The following BIRC6 variants were observed in gnomAD, a reference collection of about 807,000 sequenced individuals.
BIRC6 encodes the protein dual E2 ubiquitin-conjugating enzyme/E3 ubiquitin-protein ligase BIRC6.
In BIRC6, 98 loss-of-function variants were observed where a neutral mutation model predicts 503.3. That is an observed-to-expected ratio of 0.19 (90% CI 0.17 to 0.23). The LOEUF (loss-of-function observed/expected upper bound fraction) is 0.23. Among genes scored for constraint, BIRC6 ranks in the 10% least tolerant of loss-of-function variants. The probability of loss-of-function intolerance (pLI) is 1.00; values close to 1 mark genes in which losing one functional copy is unlikely to be tolerated. For missense variants in BIRC6, 5,360 were observed against 5,806.0 expected (o/e 0.92, Z 2.50); for synonymous variants, 2,240 against 2,078.7 (o/e 1.08, Z -2.11).
intron 15 of BIRC6, among the ~76,000 whole-genome samples, 193 bp from the exon 16 acceptor site, chr2:32,439,315 C>T (rs770269945): frequency 2.0e-5 from 3 of 151,984 alleles, no homozygotes; most frequent in Non-Finnish European, 4.4e-5. Flanking sequence ...TCATATCATT[C>T]CTTTGTTGGT....
chr2:32,433,541 G>T, intron 12 of BIRC6, 103 bp from the exon 13 acceptor site: 2 of 1,019,788 alleles, frequency 2.0e-6, no homozygotes, highest in Non-Finnish European at 1.4e-6. Context: ...GATTTTGTTG[G>T]AAGCTGCAAA....
intron 45 of BIRC6, among the ~76,000 whole-genome samples, chr2:32,498,850 A>AT (rs1350209383): frequency 6.6e-6 from 1 of 152,160 alleles, no homozygotes. Flanking sequence ...AGTAGCTGGA[A>AT]TTAACAGTCA....
In BIRC6 at chr2:32,485,655, G is replaced by A. The variant is rs769825855; in HGVS notation, c.7709G>A (p.Arg2570His). The A allele has an allele frequency of 2.5e-6, 4 of 1,611,806 alleles. No individual in the cohort carries two copies. The highest frequency in any genetic ancestry group is 2.5e-6 in the Non-Finnish European group (3 of 1,178,330). The change falls in exon 40 of 74, where the codon CGC becomes CAC. Residue 2570 changes from arginine (R) to histidine (H), a missense_variant. Transcript: ENST00000421745. The part of the protein sequence containing the change: ...SVSVSQALDA[R>H]LEVGLEQQAE... ...TTGCTTTTTGTAGCCCTGGATGCTCGCCTAGAAGTTGGACTTGAACAGCAA... is the reference window on the plus strand; with the variant it reads ...TTGCTTTTTGTAGCCCTGGATGCTCACCTAGAAGTTGGACTTGAACAGCAA...
intron 23 of BIRC6, among the ~76,000 whole-genome samples, chr2:32,456,052 CTGTG>C (rs1286669501): frequency 6.6e-6 from 1 of 152,164 alleles, no homozygotes; most frequent in Non-Finnish European, 1.5e-5. Context: ...TACACATTGT[CTGTG>C]TGATGACCAA....
chr2:32,449,048 C>T (rs2046389161), intron 22 of BIRC6, 120 bp downstream of exon 22: 1 of 867,100 alleles, frequency 1.2e-6, no homozygotes, highest in Non-Finnish European at 1.7e-6. Context: ...TTCCTTAGAA[C>T]TTATCATATG....
Position 32,357,221 on chromosome 2 carries a change from G to C in BIRC6, c.60G>C (p.Val20=). The part of the protein sequence containing the change: ...PGTVTEPLPS[V]IVLSAGRKMA... The stretch of plus-strand genomic sequence containing the variant: ...CTGTCACTGAGCCGCTTCCCAGTGT[G>C]ATTGTGCTGAGCGCAGGCCGGAAGA... The change falls in exon 1 of 74, where the codon GTG becomes GTC. Residue 20 remains valine, a synonymous_variant. Coordinates refer to ENST00000421745, the MANE Select transcript of BIRC6 (RefSeq NM_016252.4). The surrounding 1 kb of genome is among the most constrained non-coding windows in gnomAD (Gnocchi z 4.9). 1 of 1,534,156 alleles carries C rather than the reference G, an allele frequency of 6.5e-7. No homozygotes were observed. The highest frequency in any genetic ancestry group is 8.7e-7 in the Non-Finnish European group (1 of 1,144,734).
intron 2 of BIRC6, 78 bp from the exon 3 acceptor site, chr2:32,380,073 GAA>G: frequency 9.8e-7 from 1 of 1,020,694 alleles, no homozygotes; most frequent in South Asian, 1.9e-5. Flanking sequence ...TAAAATATCT[GAA>G]AGAGGATCTG....
At chr2:32,607,975 CAAAAAA>C (rs35242178) in intron 72 of BIRC6, among the ~76,000 whole-genome samples, 30 of 51,940 alleles carry the variant, frequency 5.8e-4, no homozygotes, top group East Asian at 7.1e-4. Context: ...ACTCCATCTC[CAAAAAA>C]AAAAAAAAAA....
In BIRC6 at chr2:32,595,152, GA is replaced by G; in HGVS notation, c.13612+11del. ...TGAAGAAATTACAGTTTGGTAAGAT[GA>G]AATTTTTGATTTGCTTAAGATCTCA... On this transcript the variant is annotated intron_variant, in intron 68 of 73. Coordinates refer to ENST00000421745, the MANE Select transcript of BIRC6 (RefSeq NM_016252.4). 1 of 1,525,504 alleles carries G rather than the reference GA, an allele frequency of 6.6e-7. No homozygotes were observed. The highest frequency in any genetic ancestry group is 1.2e-5 in the South Asian group (1 of 81,852). The allele number at this position is 1,525,504 out of a possible 1,614,324, so 94.5% of individuals were successfully genotyped here. A position where few individuals can be genotyped will look rare whatever the true frequency, so the allele number is the denominator to read the frequency against.
At chr2:32,478,606 A>G (rs2050035572) in intron 35 of BIRC6, 29 bp from the exon 36 acceptor site, 2 of 1,580,472 alleles carry the variant, frequency 1.3e-6, no homozygotes, top group Non-Finnish European at 1.7e-6. Flanking sequence ...TTGCTATTTA[A>G]GTGTATGATT....
chr2:32,437,060 T>G (rs1236216706), intron 15 of BIRC6, among the ~76,000 whole-genome samples: 1 of 151,854 alleles, frequency 6.6e-6, no homozygotes, highest in Admixed American at 6.6e-5. Context: ...GGCTAATTTT[T>G]TATTGTATTA....
chr2:32,365,200 T>G (rs987898917), intron 1 of BIRC6, among the ~76,000 whole-genome samples: 1 of 152,248 alleles, frequency 6.6e-6, no homozygotes, highest in Non-Finnish European at 1.5e-5. Flanking sequence ...TGTGACCTTA[T>G]GCAAACTGCT....
In BIRC6 at chr2:32,504,987, G is replaced by A. The variant is rs748860134; in HGVS notation, c.9500-18G>A. ...TCTTTTGCAAGTTCTTATAATTTAT[G>A]TAAAATATCTTCTCTAGGTACAATC... is the stretch of plus-strand genomic sequence containing the variant. On this transcript the variant is annotated intron_variant, in intron 49 of 73. Coordinates refer to ENST00000421745, the MANE Select transcript of BIRC6 (RefSeq NM_016252.4). The A allele has an allele frequency of 4.4e-6, 7 of 1,594,464 alleles. No homozygotes were observed. In the Admixed American group the frequency reaches 1.0e-4, roughly 23 times the overall value.
intron 33 of BIRC6, among the ~76,000 whole-genome samples, chr2:32,473,806 G>A (rs945953488): frequency 7.2e-6 from 1 of 139,310 alleles, no homozygotes; most frequent in African/African-American, 2.7e-5. Flanking sequence ...AGGTTGGAGT[G>A]CAGTGGAACA....
intron 10 of BIRC6, among the ~76,000 whole-genome samples, chr2:32,421,015 T>A (rs2042891906): frequency 6.6e-6 from 1 of 151,764 alleles, no homozygotes; most frequent in Non-Finnish European, 1.5e-5. Flanking sequence ...TGTTTTCCCA[T>A]TTACTGGATT....
At chr2:32,611,650 C>T (rs1157909190) in intron 73 of BIRC6, 68 bp downstream of exon 73, 22 of 1,354,622 alleles carry the variant, frequency 1.6e-5, no homozygotes, top group East Asian at 2.7e-5. Flanking sequence ...AGAACCATGC[C>T]TACCAGAAGA....
chr2:32,444,971 G>A (rs2045804861), intron 20 of BIRC6, among the ~76,000 whole-genome samples: 1 of 152,170 alleles, frequency 6.6e-6, no homozygotes, highest in African/African-American at 2.4e-5. Flanking sequence ...TGGCATGTAT[G>A]TAGCAGTTAA....
At chr2:32,477,700 A>T in intron 35 of BIRC6, 117 bp downstream of exon 35, 1 of 675,352 alleles carries the variant, frequency 1.5e-6, no homozygotes, top group South Asian at 2.1e-5. Flanking sequence ...GGAGTTCCAG[A>T]CTAGTGTGGG....
At chr2:32,546,050 A>T (rs1027733794) in intron 63 of BIRC6, among the ~76,000 whole-genome samples, 190 bp downstream of exon 63, 3 of 152,212 alleles carry the variant, frequency 2.0e-5, no homozygotes, top group Non-Finnish European at 4.4e-5. Context: ...AACCAAAAAG[A>T]AACCTATCTA....
Sources: gnomAD v4.1 joint callset for allele counts (sites outside exome capture counted in the v4.1 genomes callset) on GRCh38, gnomAD v4.1.1 for gene constraint, Gnocchi (gnomAD v3.1) non-coding constraint, MANE v1.5 for transcripts, NCBI Gene and HGNC (gene_info 2026-07-23, HGNC 2026-07-21) for gene names.